H3-3A: variants seen among roughly 807,000 people sequenced by gnomAD.
H3-3A encodes histone H3.3.
For synonymous variants in H3-3A, 49 were observed against 61.4 expected (o/e 0.80, Z 0.95); for missense variants, 7 against 184.0 (o/e 0.04, Z 5.57).
intron 3 of H3-3A, among the ~76,000 whole-genome samples, chr1:226,068,422 G>A (rs1024191320): frequency 6.6e-6 from 1 of 152,178 alleles, no homozygotes; most frequent in African/African-American, 2.4e-5. Context: ...ATAGTAGCTT[G>A]TACCACATTT....
chr1:226,068,800 C>G (rs1238969049), intron 3 of H3-3A, among the ~76,000 whole-genome samples: 1 of 152,146 alleles, frequency 6.6e-6, no homozygotes, highest in Non-Finnish European at 1.5e-5. Context: ...AATGCAAGGT[C>G]ATTGTGAGTG....
At chr1:226,069,123 T>G (rs949959548) in intron 3 of H3-3A, among the ~76,000 whole-genome samples, 1 of 151,712 alleles carries the variant, frequency 6.6e-6, no homozygotes, top group Admixed American at 6.6e-5. Flanking sequence ...CTCGGCTTAC[T>G]GCAGCCTCCG....
At chr1:226,065,929 TACTTCACTGTTGAG>T in intron 3 of H3-3A, 120 bp downstream of exon 3, 1 of 809,232 alleles carries the variant, frequency 1.2e-6, no homozygotes, top group Non-Finnish European at 2.1e-6. Context: ...TTGATATTGT[TACTTCACTGTTGAG>T]ACTTCAGAAA....
intron 1 of H3-3A, among the ~76,000 whole-genome samples, chr1:226,063,034 G>A (rs1460092956): frequency 6.6e-6 from 1 of 151,988 alleles, no homozygotes; most frequent in Non-Finnish European, 1.5e-5. Context: ...AACCGCCGCG[G>A]CGCCGAGCCT....
chr1:226,064,201 A>G (rs534956004), intron 1 of H3-3A, 128 bp from the exon 2 acceptor site: 9 of 648,370 alleles, frequency 1.4e-5, no homozygotes, highest in African/African-American at 5.5e-5. Flanking sequence ...TTCAAATTAT[A>G]TAACAATACG....
intron 3 of H3-3A, among the ~76,000 whole-genome samples, chr1:226,070,831 CTT>C (rs1158216983): frequency 1.3e-5 from 2 of 152,086 alleles, no homozygotes; most frequent in East Asian, 1.9e-4. Context: ...CAAAAGTACT[CTT>C]ATGATAAAAC....
intron 3 of H3-3A, chr1:226,066,938 A>G (rs1476020702): frequency 6.6e-6 from 1 of 152,212 alleles, no homozygotes; most frequent in African/African-American, 2.4e-5. Flanking sequence ...TTCCAGGAGT[A>G]GGCATCCATT....
chr1:226,062,997 C>T (rs1398336278), intron 1 of H3-3A, among the ~76,000 whole-genome samples, 186 bp downstream of exon 1: 2 of 151,974 alleles, frequency 1.3e-5, no homozygotes, highest in Non-Finnish European at 2.9e-5. Flanking sequence ...GCTCCCCCGT[C>T]TCTCGCCGCC....
At chr1:226,063,824 TCAA>T (rs1324022125) in intron 1 of H3-3A, among the ~76,000 whole-genome samples, 1 of 147,946 alleles carries the variant, frequency 6.8e-6, no homozygotes, top group Non-Finnish European at 1.5e-5. Context: ...CGCCTTTTTG[TCAA>T]CATAACTGTA....
In H3-3A at chr1:226,063,698, C is replaced by T. The variant is rs1363346984; in HGVS notation, c.-23-631C>T. On this transcript the variant is annotated intron_variant, in intron 1 of 3. Transcript: ENST00000366815. ...GCGGATGTCGTGCGTTAATTAAAGC[C>T]TGGGTGCGGGGCACTTTTTATTTCA... Among the ~76,000 whole-genome samples the T allele has an allele frequency of 2.6e-5, 4 of 152,058 alleles. No homozygotes were observed. In the East Asian group the frequency reaches 7.7e-4, roughly 29 times the overall value.
upstream of H3-3A, chr1:226,062,117 C>T (rs1375455897): frequency 6.6e-6 from 1 of 152,114 alleles, no homozygotes; most frequent in African/African-American, 2.4e-5. Context: ...GCGCGGGACG[C>T]TGGATTCCTA....
In H3-3A at chr1:226,064,491, C is replaced by G. The variant is rs1465843152; in HGVS notation, c.128+12C>G. The G allele has an allele frequency of 1.2e-6, 2 of 1,601,006 alleles. No homozygotes were observed. The highest frequency in any genetic ancestry group is 1.7e-6 in the Non-Finnish European group (2 of 1,173,084). The stretch of plus-strand genomic sequence containing the variant: ...CCTCATCGTTACAGGTATTAAAAAA[C>G]AGGAAAAAAATGGGACAAAGTCTCT... On this transcript the variant is annotated intron_variant, in intron 2 of 3. Transcript: ENST00000366815.
At chr1:226,064,512 TC>T in intron 2 of H3-3A, 33 bp downstream of exon 2, 1 of 1,588,870 alleles carries the variant, frequency 6.3e-7, no homozygotes, top group Admixed American at 1.7e-5. Flanking sequence ...TGGGACAAAG[TC>T]TCTCTTGTAT....
chr1:226,071,219 G>T, intron 3 of H3-3A, 132 bp from the exon 4 acceptor site: 1 of 654,520 alleles, frequency 1.5e-6, no homozygotes, highest in Non-Finnish European at 2.6e-6. Context: ...GTAAGCATTT[G>T]GTAAAATTGT....
At chr1:226,061,878 C>A (rs1657716730), upstream of H3-3A, 1 of 152,188 alleles carries the variant, frequency 6.6e-6, no homozygotes, top group Non-Finnish European at 1.5e-5. Context: ...GCGTCGGGGG[C>A]CCGGGCCCGG....
chr1:226,069,446 A>T (rs1012273378), intron 3 of H3-3A, among the ~76,000 whole-genome samples: 4 of 152,234 alleles, frequency 2.6e-5, no homozygotes, highest in African/African-American at 9.6e-5. Context: ...ATAGAAAAGG[A>T]GAGAGAGCCA....
chr1:226,062,601 C>A (rs1357433883), upstream of H3-3A: 1 of 137,036 alleles, frequency 7.3e-6, no homozygotes, highest in Non-Finnish European at 1.6e-5. Flanking sequence ...GGGGGCGGGG[C>A]GCGAGAGGAG....
At chr1:226,064,279 G>T in intron 1 of H3-3A, 50 bp from the exon 2 acceptor site, 2 of 1,351,048 alleles carry the variant, frequency 1.5e-6, no homozygotes, top group East Asian at 2.3e-5. Flanking sequence ...AGGAAAAGTT[G>T]TATGTTTGGT....
At chr1:226,062,246 G>A (rs1657732009), upstream of H3-3A, among the ~76,000 whole-genome samples, 1 of 150,630 alleles carries the variant, frequency 6.6e-6, no homozygotes, top group Non-Finnish European at 1.5e-5. Flanking sequence ...GCCCGCGCGG[G>A]GGCAGCCCCT....
Sources: allele counts gnomAD v4.1 joint callset (sites outside exome capture counted in the v4.1 genomes callset), GRCh38; gene constraint gnomAD v4.1.1; transcripts MANE v1.5; gene names NCBI Gene and HGNC (gene_info 2026-07-23, HGNC 2026-07-21).